IL1B: variants seen among roughly 807,000 people sequenced by gnomAD.
IL1B encodes the protein interleukin-1 beta.
In IL1B, 11 loss-of-function variants were observed where a neutral mutation model predicts 26.2. The ratio of observed to expected loss-of-function variants is 0.42; its 90% CI spans 0.26 to 0.70. The LOEUF is 0.70. Among genes scored for constraint, IL1B ranks in the 30% least tolerant of loss-of-function variants. IL1B has a pLI of 0.25. For missense variants in IL1B, 255 were observed against 327.5 expected, an observed-to-expected ratio of 0.78 and a Z score of 1.71; for synonymous variants, 118 against 120.8, an observed-to-expected ratio of 0.98 and a Z score of 0.15.
chr2:112,830,820 G>T (rs1681971704), intron 6 of IL1B, among the ~76,000 whole-genome samples: 1 of 151,850 alleles, frequency 6.6e-6, no homozygotes, highest in South Asian at 2.1e-4. Flanking sequence ...TTTTGGGGGG[G>T]TGAAAATTAA....
intron 5 of IL1B, among the ~76,000 whole-genome samples, chr2:112,832,165 C>T (rs764582057): frequency 5.9e-5 from 9 of 152,030 alleles, no homozygotes; most frequent in Non-Finnish European, 1.3e-4. Context: ...AACTTTTGCC[C>T]GTTACAGCGG....
At position 112,829,987 on chromosome 2, in the gene IL1B, A is replaced by G; in HGVS notation, c.*374T>C. 1 of 219,138 alleles carries G rather than the reference A, an allele frequency of 4.6e-6. No individual in the cohort carries two copies. The highest frequency in any genetic ancestry group is 9.3e-6 in the Non-Finnish European group (1 of 107,934). 13.6% of individuals were successfully genotyped at this position (219,138 alleles called of 1,614,324 possible). ...CTTTGAATAAATTAGACCAATGAAT[A>G]AAACAAACAAACAAATAAATAAATA... On this transcript the variant is annotated 3_prime_UTR_variant, in exon 7 of 7. Coordinates refer to ENST00000263341, the MANE Select transcript of IL1B (RefSeq NM_000576.3).
chr2:112,829,887 C>T lies in IL1B; in HGVS notation c.*474G>A, dbSNP rs565675977. ...TAAAGGACTTGATTTAAAGAGAGCA[C>T]ACCAGTCCAAATTGAATTGATTCCA... is the stretch of plus-strand genomic sequence containing the variant. On this transcript the variant is annotated 3_prime_UTR_variant, in exon 7 of 7. Coordinates refer to ENST00000263341, the MANE Select transcript of IL1B (RefSeq NM_000576.3). 2 of 165,714 alleles carry T rather than the reference C, an allele frequency of 1.2e-5. No homozygotes were observed. The highest frequency in any genetic ancestry group is 3.4e-4 in the East Asian group (2 of 5,924). The allele number at this position is 165,714 out of a possible 1,614,324, so 10.3% of individuals were successfully genotyped here.
At chr2:112,834,387 G>A (rs1682047656) in intron 3 of IL1B, among the ~76,000 whole-genome samples, 1 of 151,886 alleles carries the variant, frequency 6.6e-6, no homozygotes, top group South Asian at 2.1e-4. Context: ...CTGTCTCATA[G>A]GCATTCTGCA....
At chr2:112,833,030 CTAT>C in intron 4 of IL1B, 1 of 640,076 alleles carries the variant, frequency 1.6e-6, no homozygotes, top group Non-Finnish European at 2.8e-6. Context: ...AGCTTCAGGT[CTAT>C]TACTGCTCAC....
Position 112,830,380 on chromosome 2 carries a change from A to G in IL1B, c.791T>C (p.Met264Thr). The G allele has an allele frequency of 6.2e-7, 1 of 1,614,110 alleles. No individual in the cohort carries two copies. Among genetic ancestry groups the G allele is most frequent in the Non-Finnish European group, 8.5e-7 (1 of 1,179,958 alleles). ...KGGQDITDFT[M>T]QFVSS The stretch of plus-strand genomic sequence containing the variant: ...CTCTCTTTAGGAAGACACAAATTGC[A>G]TGGTGAAGTCAGTTATATCCTGGCC... Residue 264 changes from methionine to threonine, a missense_variant, in exon 7 of 7, where the codon ATG becomes ACG. Met to Thr is a moderately conservative substitution (Grantham distance 81). Coordinates refer to ENST00000263341, the MANE Select transcript of IL1B (RefSeq NM_000576.3).
Position 112,830,074 on chromosome 2 carries a change from A to G in IL1B, c.*287T>C, listed in dbSNP as rs1434253207. The G allele has an allele frequency of 2.7e-6, 1 of 368,744 alleles. No individual in the cohort carries two copies. Among genetic ancestry groups the G allele is most frequent in the Non-Finnish European group, 5.0e-6 (1 of 201,632 alleles). 22.8% of individuals were successfully genotyped at this position (368,744 alleles called of 1,614,324 possible). A position where few individuals can be genotyped will look rare whatever the true frequency, so the allele number is the denominator to read the frequency against. ...AATGACAGAGGGTTTCTTAGAACCAAATGTGGCCGTGGTTTCTGTCAGGCG... is the reference window on the plus strand; with the variant it reads ...AATGACAGAGGGTTTCTTAGAACCAGATGTGGCCGTGGTTTCTGTCAGGCG... On this transcript the variant is annotated 3_prime_UTR_variant, in exon 7 of 7. Coordinates refer to ENST00000263341, the MANE Select transcript of IL1B (RefSeq NM_000576.3).
At position 112,835,463 on chromosome 2, in the gene IL1B, A is replaced by C. The variant is rs982078760; in HGVS notation, c.99+103T>G. ...CACTGGAAGAGGTTAAAGTCTTTCT[A>C]AAACAAAATACCATGGCATCAAAGT... On this transcript the variant is annotated intron_variant, in intron 3 of 6. Transcript: ENST00000263341. 3.2e-6 allele frequency: 3 copies of C among 950,636 alleles called. No homozygotes were observed. The African/African-American group carries it at 4.8e-5, about 15-fold the overall frequency. The allele number at this position is 950,636 out of a possible 1,614,324, so 58.9% of individuals were successfully genotyped here.
At position 112,833,300 on chromosome 2, in the gene IL1B, A is replaced by G. The variant is rs1682026234; in HGVS notation, c.301+74T>C. 2.8e-6 allele frequency: 4 copies of G among 1,422,624 alleles called. No individual in the cohort carries two copies. The South Asian group carries it at 4.6e-5, about 17-fold the overall frequency. 88.1% of individuals were successfully genotyped at this position (1,422,624 alleles called of 1,614,324 possible). On this transcript the variant is annotated intron_variant, in intron 4 of 6. Transcript: ENST00000263341. Reference sequence around the variant, plus strand: ...TTTAAAGGGCTTTGGCTCTGGGGGAATTGAGTTGGCTGGGGCTTGATGACT... The same window carrying G: ...TTTAAAGGGCTTTGGCTCTGGGGGAGTTGAGTTGGCTGGGGCTTGATGACT...
intron 5 of IL1B, 147 bp downstream of exon 5, chr2:112,832,515 G>T (rs1015704020): frequency 3.5e-6 from 3 of 855,760 alleles, no homozygotes; most frequent in Non-Finnish European, 5.7e-6. Context: ...GCCATTTCTA[G>T]GACCAAAGTT....
chr2:112,830,300 T>C lies in IL1B; in HGVS notation c.*61A>G, dbSNP rs188964071. ...GTACTCAAAAACCTTTCTGTTCCCT[T>C]TCTGCCAGCCCTAGGGATTGAGTCC... On this transcript the variant is annotated 3_prime_UTR_variant, in exon 7 of 7. Transcript: ENST00000263341. 93 of 1,433,686 alleles carry C rather than the reference T, an allele frequency of 6.5e-5. No homozygotes were observed. The East Asian group carries it at 1.8e-3, about 27-fold the overall frequency. 88.8% of individuals were successfully genotyped at this position (1,433,686 alleles called of 1,614,324 possible). A position where few individuals can be genotyped will look rare whatever the true frequency, so the allele number is the denominator to read the frequency against.
chr2:112,833,552 G>C lies in IL1B; in HGVS notation c.123C>G (p.Leu41=). 1.2e-6 allele frequency: 2 copies of C among 1,614,086 alleles called. No homozygotes were observed. Among genetic ancestry groups the C allele is most frequent in the Non-Finnish European group, 8.5e-7 (1 of 1,180,034 alleles). The change falls in exon 4 of 7, where the codon CTC becomes CTG. Residue 41 remains leucine (L), a synonymous_variant. Transcript: ENST00000263341. ...QMKCSFQDLD[L]CPLDGGIQLR... is the part of the protein sequence containing the mutation. The stretch of plus-strand genomic sequence containing the variant: ...GCTGGATGCCGCCATCCAGAGGGCA[G>C]AGGTCCAGGTCCTGGAAGGAGCACT...
chr2:112,830,819 G>A (rs980113322), intron 6 of IL1B, among the ~76,000 whole-genome samples: 1 of 151,678 alleles, frequency 6.6e-6, no homozygotes, highest in Non-Finnish European at 1.5e-5. Context: ...TTTTTGGGGG[G>A]GTGAAAATTA....
intron 6 of IL1B, 75 bp downstream of exon 6, chr2:112,831,216 CG>C (rs1553447940): frequency 2.6e-6 from 4 of 1,548,720 alleles, no homozygotes; most frequent in Non-Finnish European, 3.6e-6. Context: ...GGGATGGGGG[CG>C]GGGAGAAGGT....
chr2:112,830,413 G>C lies in IL1B; in HGVS notation c.758C>G (p.Thr253Ser), dbSNP rs754871430. The change falls in exon 7 of 7, where the codon ACC (threonine) becomes AGC (serine). Residue 253 changes from threonine (T) to serine (S), a missense_variant. Transcript: ENST00000263341. ...GTCAGTTATATCCTGGCCGCCTTTG[G>C]TCCCTCCCAGGAAGACGGGCATGTT... ...AENMPVFLGG[T>S]KGGQDITDFT... 6.2e-7 allele frequency: 1 copy of C among 1,614,090 alleles called. No individual in the cohort carries two copies. The highest frequency in any genetic ancestry group is 8.5e-7 in the Non-Finnish European group (1 of 1,180,024).
chr2:112,836,288 C>T (rs988521621), intron 1 of IL1B, 44 bp from the exon 2 acceptor site: 17 of 1,401,874 alleles, frequency 1.2e-5, no homozygotes, highest in Admixed American at 1.7e-5. Flanking sequence ...ATGACGGCTA[C>T]GTTCATGTGT....
chr2:112,831,955 C>A (rs1225258363), intron 5 of IL1B, among the ~76,000 whole-genome samples: 2 of 152,162 alleles, frequency 1.3e-5, no homozygotes, highest in Non-Finnish European at 2.9e-5. Context: ...CAATTGGAGG[C>A]CCTGGGATCA....
intron 4 of IL1B, 98 bp from the exon 5 acceptor site, chr2:112,832,924 A>G (rs1405889311): frequency 8.6e-7 from 1 of 1,162,162 alleles, no homozygotes; most frequent in South Asian, 1.2e-5. Flanking sequence ...ACACCTGAGC[A>G]TATACGGTCA....
chr2:112,835,732 A>C, intron 2 of IL1B, 115 bp from the exon 3 acceptor site: 1 of 889,282 alleles, frequency 1.1e-6, no homozygotes, highest in Non-Finnish European at 1.9e-6. Flanking sequence ...TGCCTCTCAA[A>C]GCTGCCTGAA....
Sources: gnomAD v4.1 joint callset for allele counts (sites outside exome capture counted in the v4.1 genomes callset) on GRCh38, gnomAD v4.1.1 for gene constraint, MANE v1.5 for transcripts, NCBI Gene and HGNC (gene_info 2026-07-23, HGNC 2026-07-21) for gene names.